Variants in GREB1 observed in about 807,000 individuals in gnomAD.
GREB1 encodes the protein growth regulating estrogen receptor binding 1.
A neutral mutation model predicts 200.7 loss-of-function variants in GREB1; 106 were observed. The observed-to-expected ratio is 0.53, with a 90% CI of 0.45 to 0.62. The LOEUF (loss-of-function observed/expected upper bound fraction) is 0.62, where lower values mean the gene tolerates loss of function less well. Ranked by LOEUF, GREB1 falls within the 20% of genes least tolerant of loss-of-function variation. The probability of loss-of-function intolerance (pLI) is 0.00; values close to 1 mark genes in which losing one functional copy is unlikely to be tolerated. For missense variants in GREB1, 2,243 were observed against 2,556.8 expected (o/e 0.88, Z 2.65); for synonymous variants, 1,132 against 1,092.4 (o/e 1.04, Z -0.72).
intron 16 of GREB1, among the ~76,000 whole-genome samples, chr2:11,602,040 C>T (rs180889527): frequency 2.0e-3 from 311 of 152,310 alleles, no homozygotes; most frequent in Non-Finnish European, 3.7e-3. Context: ...TTAGTAGCAA[C>T]TGAATGCAAA....
chr2:11,637,703 C>A lies in GREB1; in HGVS notation c.5347-13C>A, dbSNP rs372895338. 4.3e-6 allele frequency: 7 copies of A among 1,611,488 alleles called. No homozygotes were observed. Among genetic ancestry groups the A allele is most frequent in the Middle Eastern group, 1.6e-4 (1 of 6,070 alleles). ...CAGGGCAGTAGTGGCCTGACACCCC[C>A]CTTCCCGTGCAGGTGTCTGATAACT... On this transcript the variant is annotated splice_polypyrimidine_tract_variant and intron_variant, in intron 30 of 32. Transcript: ENST00000381486.
At chr2:11,631,824 G>C (rs3792032) in intron 26 of GREB1, 85 bp from the exon 27 acceptor site, 9 of 1,043,742 alleles carry the variant, frequency 8.6e-6, no homozygotes, top group Non-Finnish European at 1.2e-5. Flanking sequence ...ATTCTTTGAC[G>C]GAAAATACTG....
At chr2:11,575,656 C>T (rs532034991) in intron 4 of GREB1, among the ~76,000 whole-genome samples, 34 of 152,180 alleles carry the variant, frequency 2.2e-4, no homozygotes, top group Non-Finnish European at 4.4e-4. Flanking sequence ...TATTGTGAAG[C>T]GCTCCTGATT....
intron 1 of GREB1, among the ~76,000 whole-genome samples, chr2:11,503,901 G>A (rs1673112276): frequency 6.6e-6 from 1 of 152,128 alleles, no homozygotes; most frequent in African/African-American, 2.4e-5. Flanking sequence ...CCTAGTGGGT[G>A]CCTGAAACCA....
At chr2:11,500,242 A>G (rs1438661314) in intron 1 of GREB1, among the ~76,000 whole-genome samples, 2 of 151,396 alleles carry the variant, frequency 1.3e-5, no homozygotes, top group East Asian at 1.9e-4. Context: ...GCTTACCGCA[A>G]CCTCCACCTC....
rs749648361 is a variant in GREB1, at chr2:11,596,284, T to C, written c.1954+45T>C. 5.6e-5 allele frequency: 88 copies of C among 1,576,862 alleles called. 2 individuals are homozygous for C. In the South Asian group the frequency reaches 9.9e-4, roughly 18 times the overall value. ...CTCCCAGGGTGGAGAGGGTACAAAG[T>C]AGTGATGAGGGGCAGGGTCAGTGGG... On this transcript the variant is annotated intron_variant, in intron 13 of 32. Transcript: ENST00000381486.
intron 1 of GREB1, among the ~76,000 whole-genome samples, chr2:11,518,285 T>TA (rs1428435588): frequency 6.6e-6 from 1 of 152,114 alleles, no homozygotes; most frequent in East Asian, 1.9e-4. Flanking sequence ...TTGAACACAT[T>TA]AAAAAAATTC....
chr2:11,541,406 G>C (rs891093924), intron 1 of GREB1, among the ~76,000 whole-genome samples: 3 of 152,064 alleles, frequency 2.0e-5, no homozygotes, highest in African/African-American at 7.2e-5. Flanking sequence ...TGCACAGGCG[G>C]GTTCTGTGGG....
chr2:11,604,335 T>C (rs185447705), intron 17 of GREB1, among the ~76,000 whole-genome samples: 1 of 152,304 alleles, frequency 6.6e-6, no homozygotes, highest in East Asian at 1.9e-4. Flanking sequence ...CGATTTTCTT[T>C]GGGGATGATA....
chr2:11,610,712 G>C lies in GREB1; in HGVS notation c.2691G>C (p.Val897=). The C allele has an allele frequency of 6.2e-7, 1 of 1,613,124 alleles. No individual in the cohort carries two copies. The highest frequency in any genetic ancestry group is 2.2e-5 in the East Asian group (1 of 44,888). ...GKRFPRLHSA[V]IRTFVLVQHY... ...GGTTCCCCCGCCTGCACAGCGCGGT[G>C]ATCAGGACCTTTGTTCTCGTGCAGC... The change falls in exon 18 of 33, where the codon GTG becomes GTC. Residue 897 remains valine, a synonymous_variant. Coordinates refer to ENST00000381486, the MANE Select transcript of GREB1 (RefSeq NM_014668.4).
At position 11,593,141 on chromosome 2, in the gene GREB1, G is replaced by A. The variant is rs1364950817; in HGVS notation, c.1696+15G>A. 6 of 1,532,988 alleles carry A rather than the reference G, an allele frequency of 3.9e-6. No homozygotes were observed. The highest frequency in any genetic ancestry group is 1.2e-5 in the South Asian group (1 of 82,502). 95.0% of individuals were successfully genotyped at this position (1,532,988 alleles called of 1,614,324 possible). A position where few individuals can be genotyped will look rare whatever the true frequency, so the allele number is the denominator to read the frequency against. On this transcript the variant is annotated intron_variant, in intron 11 of 32. Coordinates refer to ENST00000381486, the MANE Select transcript of GREB1 (RefSeq NM_014668.4). ...CGCCGTCACCGGTGAGCTCTGGGCC[G>A]CGCGGCTGCGGGAAAGCCCCCTGAA...
chr2:11,558,919 G>T (rs780266413), intron 2 of GREB1, among the ~76,000 whole-genome samples: 14 of 152,114 alleles, frequency 9.2e-5, no homozygotes, highest in Non-Finnish European at 1.6e-4. Flanking sequence ...TTGAATTAGG[G>T]CTGTTAACCT....
At chr2:11,525,788 C>T (rs375885827) in intron 1 of GREB1, among the ~76,000 whole-genome samples, 1 of 152,134 alleles carries the variant, frequency 6.6e-6, no homozygotes, top group African/African-American at 2.4e-5. Flanking sequence ...TGGTTCTGAA[C>T]GACCCATCTA....
At chr2:11,569,862 G>A (rs79917160) in intron 4 of GREB1, among the ~76,000 whole-genome samples, 2,019 of 152,210 alleles carry the variant, frequency 0.013, 37 homozygotes, top group African/African-American at 0.045. Context: ...TGGCTGGAGC[G>A]GAGGCTGGTG....
chr2:11,609,852 A>G (rs535053164), intron 17 of GREB1, among the ~76,000 whole-genome samples: 1 of 152,362 alleles, frequency 6.6e-6, no homozygotes, highest in Admixed American at 6.5e-5. Context: ...TTGTAGGTCG[A>G]GAAACTACCT....
chr2:11,537,574 C>T (rs1674349703), intron 1 of GREB1, among the ~76,000 whole-genome samples: 1 of 150,506 alleles, frequency 6.6e-6, no homozygotes, highest in South Asian at 2.1e-4. Flanking sequence ...AAAAACTCTA[C>T]TGCTTAAACT....
intron 5 of GREB1, among the ~76,000 whole-genome samples, chr2:11,577,304 C>T (rs528017248): frequency 1.7e-4 from 26 of 152,272 alleles, no homozygotes; most frequent in East Asian, 5.8e-4. Flanking sequence ...GTGCACAGGA[C>T]GGCCCCGAGC....
intron 25 of GREB1, 77 bp downstream of exon 25, chr2:11,627,181 T>C: frequency 7.5e-7 from 1 of 1,336,758 alleles, no homozygotes; most frequent in Middle Eastern, 2.1e-4. Flanking sequence ...CACGCTTTCA[T>C]TCCAGAGTGG....
Position 11,603,683 on chromosome 2 carries a change from T to C in GREB1, c.2666+1141T>C, listed in dbSNP as rs1681985578. On this transcript the variant is annotated intron_variant, in intron 17 of 32. Transcript: ENST00000381486. ...TCAGGTCAGTTCTCCAGCACATGGA[T>C]CGACAGCTGAGCTCTCATCAACTGG... Among the ~76,000 whole-genome samples, 3 of 152,358 alleles carry C rather than the reference T, an allele frequency of 2.0e-5. No homozygotes were observed. The South Asian group carries it at 6.2e-4, about 32-fold the overall frequency.
Sources: allele counts gnomAD v4.1 joint callset (sites outside exome capture counted in the v4.1 genomes callset), GRCh38; gene constraint gnomAD v4.1.1; transcripts MANE v1.5; gene names NCBI Gene and HGNC (gene_info 2026-07-23, HGNC 2026-07-21).